The following CFAP47 variants were observed in gnomAD, a reference collection of about 807,000 sequenced individuals.
CFAP47 encodes the protein cilia- and flagella-associated protein 47.
Under a neutral mutation model 148.1 loss-of-function variants are expected in CFAP47, and 29 were observed. The observed-to-expected ratio is 0.20, with a 90% CI of 0.15 to 0.27. CFAP47 has a LOEUF of 0.27. Ranked by LOEUF, CFAP47 falls within the 10% of genes least tolerant of loss-of-function variation. The pLI, the probability that CFAP47 is intolerant of heterozygous loss-of-function variation, is 1.00. For missense variants in CFAP47, 1,872 were observed against 1,697.5 expected, an observed-to-expected ratio of 1.10 and a Z score of -1.81; for synonymous variants, 664 against 577.3, an observed-to-expected ratio of 1.15 and a Z score of -2.15.
At chrX:36,160,346 T>C (rs926943116) in intron 38 of CFAP47, among the ~76,000 whole-genome samples, 23 of 112,101 alleles carry the variant, frequency 2.1e-4, no homozygotes, top group African/African-American at 6.2e-4. Flanking sequence ...TTTTGTCACA[T>C]GTGGCTAAGA....
Position 36,329,583 on chromosome X carries a change from G to A in CFAP47, c.8443+10276G>A, listed in dbSNP as rs782225055. 3.0e-3 allele frequency among the ~76,000 whole-genome samples: 341 copies of A among 111,954 alleles called. 1 individual carries two copies. Among genetic ancestry groups the A allele is most frequent in the African/African-American group, 0.011 (333 of 30,902 alleles). On this transcript the variant is annotated intron_variant, in intron 57 of 63. Transcript: ENST00000378653. ...AATGTTTATTTCTTCATTCTGATAA[G>A]TGTACATTTTCAATAATAAGTTATA... is the stretch of plus-strand genomic sequence containing the variant.
intron 8 of CFAP47, among the ~76,000 whole-genome samples, chrX:35,960,380 G>GGAAAAAA (rs1227681980): frequency 1.1e-3 from 17 of 15,485 alleles, no homozygotes; most frequent in African/African-American, 4.2e-3. Context: ...GCTAATTTCT[G>GGAAAAAA]AAAAAAAAAA....
At chrX:35,973,288 C>T (rs1936520572) in intron 13 of CFAP47, among the ~76,000 whole-genome samples, 1 of 110,979 alleles carries the variant, frequency 9.0e-6, no homozygotes, top group South Asian at 3.8e-4. Context: ...CTCCCGGGTT[C>T]ATGCCATTCT....
chrX:36,347,617 C>A (rs1239112618), intron 57 of CFAP47, among the ~76,000 whole-genome samples: 1 of 111,676 alleles, frequency 9.0e-6, no homozygotes, highest in Non-Finnish European at 1.9e-5. Flanking sequence ...AGGATGAGTT[C>A]ATGTCCTTTG....
At chrX:35,958,446 A>C (rs1175802736) in intron 8 of CFAP47, among the ~76,000 whole-genome samples, 1 of 111,523 alleles carries the variant, frequency 9.0e-6, no homozygotes, top group African/African-American at 3.3e-5. Flanking sequence ...TTTTTAAGAA[A>C]CTGTCATACT....
rs1555991875 is a variant in CFAP47 at position 36,228,663 on chromosome X, C to A, written c.6853C>A (p.Leu2285Ile). 3.8e-6 allele frequency: 2 copies of A among 523,141 alleles called. No homozygotes were observed. The highest frequency in any genetic ancestry group is 7.0e-6 in the Non-Finnish European group (2 of 285,929). The allele number at this position is 523,141 out of a possible 1,213,427, so 43.1% of individuals were successfully genotyped here. The change falls in exon 46 of 64, where the codon CTT becomes ATT. Residue 2285 changes from leucine to isoleucine, a missense_variant. Physicochemically the swap from Leu to Ile is conservative, Grantham distance 5 (BLOSUM62 2). Transcript: ENST00000378653. The part of the protein sequence containing the change: ...DGSVPLPLQF[L>I]PLQSGRYPCK... The stretch of plus-strand genomic sequence containing the variant: ...ATCTGTTCCACTTCCTTTGCAATTT[C>A]TTCCTCTCCAATCTGGACGCTACCC...
chrX:36,273,665 G>C (rs1556002194), intron 49 of CFAP47, among the ~76,000 whole-genome samples: 1 of 111,141 alleles, frequency 9.0e-6, no homozygotes, highest in African/African-American at 3.3e-5. Context: ...CAAAAACATA[G>C]CATGTACATA....
intron 29 of CFAP47, among the ~76,000 whole-genome samples, chrX:36,074,237 T>C (rs1937807567): frequency 8.9e-6 from 1 of 112,044 alleles, no homozygotes; most frequent in South Asian, 3.6e-4. Flanking sequence ...CATAAAATCA[T>C]TTGTTATTGA....
chrX:36,078,993 T>C (rs1195232792), intron 29 of CFAP47, among the ~76,000 whole-genome samples: 1 of 111,783 alleles, frequency 8.9e-6, no homozygotes, highest in Non-Finnish European at 1.9e-5. Flanking sequence ...TTAAGAATAT[T>C]GAATATTGGC....
At chrX:36,034,916 G>GTA (rs1159373600) in intron 23 of CFAP47, among the ~76,000 whole-genome samples, 3 of 110,645 alleles carry the variant, frequency 2.7e-5, no homozygotes, top group Non-Finnish European at 5.7e-5. Context: ...GGAAATATGT[G>GTA]TATATATACT....
At chrX:36,304,336 C>T (rs1569313291) in intron 54 of CFAP47, among the ~76,000 whole-genome samples, 1 of 107,930 alleles carries the variant, frequency 9.3e-6, no homozygotes, top group South Asian at 4.1e-4. Flanking sequence ...GAGCTGAGAT[C>T]GTGCCACTGC....
At chrX:36,187,720 GAGTATA>G (rs1241467612) in intron 40 of CFAP47, among the ~76,000 whole-genome samples, 14 of 111,447 alleles carry the variant, frequency 1.3e-4, no homozygotes, top group Non-Finnish European at 2.3e-4. Flanking sequence ...GAATACCTGT[GAGTATA>G]ATTAAGCCAC....
intron 21 of CFAP47, among the ~76,000 whole-genome samples, 187 bp from the exon 22 acceptor site, chrX:36,014,587 A>AT (rs1318972398): frequency 1.8e-5 from 2 of 110,820 alleles, no homozygotes; most frequent in East Asian, 5.6e-4. Context: ...ATTTATTTTT[A>AT]TTTTTTTGAA....
intron 22 of CFAP47, among the ~76,000 whole-genome samples, chrX:36,027,168 T>TTA (rs753461443): frequency 9.6e-6 from 1 of 104,407 alleles, no homozygotes; most frequent in Non-Finnish European, 1.9e-5. Context: ...ATATATGTGA[T>TTA]TATATATATA....
chrX:36,168,923 A>T (rs1939528810), intron 39 of CFAP47, among the ~76,000 whole-genome samples: 3 of 112,017 alleles, frequency 2.7e-5, no homozygotes, highest in African/African-American at 9.7e-5. Context: ...TTCTGCTAGT[A>T]ATGAATTGTT....
chrX:36,048,165 T>G (rs1937488972), intron 26 of CFAP47, among the ~76,000 whole-genome samples: 1 of 112,148 alleles, frequency 8.9e-6, no homozygotes, highest in African/African-American at 3.2e-5. Context: ...AAATGAGGTC[T>G]TCCAGAAAGG....
In CFAP47 at chrX:35,919,996, A is replaced by G. The variant is rs1480573166; in HGVS notation, c.197A>G (p.Asn66Ser). 6 of 1,202,304 alleles carry G rather than the reference A, an allele frequency of 5.0e-6. No homozygotes were observed. Among genetic ancestry groups the G allele is most frequent in the Non-Finnish European group, 6.7e-6 (6 of 889,087 alleles). ...RVYRLPITVH[N>S]ICRWNQKIRF... is the part of the protein sequence containing the mutation. Reference sequence around the variant, plus strand: ...TACCGCCTCCCGATTACTGTGCATAATATTTGCCGCTGGAACCAGAAAATC... The same window carrying G: ...TACCGCCTCCCGATTACTGTGCATAGTATTTGCCGCTGGAACCAGAAAATC... Residue 66 changes from asparagine (N) to serine (S), a missense_variant, in exon 1 of 64, where the codon AAT (asparagine) becomes AGT (serine). Asn to Ser is a conservative substitution (Grantham distance 46). Coordinates refer to ENST00000378653, the MANE Select transcript of CFAP47 (RefSeq NM_001304548.2).
At chrX:36,126,393 A>G (rs945631796) in intron 33 of CFAP47, among the ~76,000 whole-genome samples, 1 of 111,319 alleles carries the variant, frequency 9.0e-6, no homozygotes, top group Admixed American at 9.6e-5. Context: ...GATGGTTTCC[A>G]GTTCCATCCA....
chrX:36,162,770 A>G (rs1602020293), intron 39 of CFAP47, among the ~76,000 whole-genome samples: 1 of 111,622 alleles, frequency 9.0e-6, no homozygotes, highest in East Asian at 2.8e-4. Flanking sequence ...ATGCTCTATA[A>G]TGCTGTTTTT....
Sources: gnomAD v4.1 joint callset for allele counts (sites outside exome capture counted in the v4.1 genomes callset) on GRCh38, gnomAD v4.1.1 for gene constraint, MANE v1.5 for transcripts, NCBI Gene and HGNC (gene_info 2026-07-23, HGNC 2026-07-21) for gene names.